The following CPNE8 variants were observed in gnomAD, a reference collection of about 807,000 sequenced individuals.
CPNE8 encodes the protein copine-8.
A neutral mutation model predicts 81.5 loss-of-function variants in CPNE8; 45 were observed. The observed-to-expected ratio is 0.55, with a 90% CI of 0.44 to 0.71. The LOEUF (loss-of-function observed/expected upper bound fraction) is 0.71. Among genes scored for constraint, CPNE8 ranks in the 30% least tolerant of loss-of-function variants. The pLI, the probability that CPNE8 is intolerant of heterozygous loss-of-function variation, is 0.00. For missense variants in CPNE8, 594 were observed against 672.1 expected, an observed-to-expected ratio of 0.88 and a Z score of 1.28; for synonymous variants, 252 against 226.3, an observed-to-expected ratio of 1.11 and a Z score of -1.02.
At chr12:38,724,698 T>G (rs1940652182) in intron 12 of CPNE8, 148 bp downstream of exon 12, 1 of 540,780 alleles carries the variant, frequency 1.8e-6, no homozygotes, top group Non-Finnish European at 3.2e-6. Context: ...GAGAAGTTGA[T>G]TTTTCTATTG....
intron 13 of CPNE8, among the ~76,000 whole-genome samples, chr12:38,718,883 G>A (rs945573683): frequency 6.6e-6 from 1 of 151,962 alleles, no homozygotes; most frequent in African/African-American, 2.4e-5. Context: ...TTTACAAAAA[G>A]GTAGTAGTGA....
chr12:38,737,064 GTT>G (rs1940972566), intron 10 of CPNE8, among the ~76,000 whole-genome samples: 2 of 151,974 alleles, frequency 1.3e-5, no homozygotes, highest in South Asian at 4.2e-4. Context: ...TCAGTGTCCT[GTT>G]TCAAGTTTAA....
chr12:38,888,898 A>G (rs1354613514), intron 1 of CPNE8, among the ~76,000 whole-genome samples: 1 of 152,158 alleles, frequency 6.6e-6, no homozygotes, highest in Non-Finnish European at 1.5e-5. Flanking sequence ...CCTTCCAGCC[A>G]TGGTTCCTGT....
At chr12:38,709,044 C>T (rs1399420938) in intron 13 of CPNE8, among the ~76,000 whole-genome samples, 6 of 152,098 alleles carry the variant, frequency 3.9e-5, no homozygotes, top group Non-Finnish European at 8.8e-5. Context: ...ATCTAGAACC[C>T]AAAAATGTAG....
chr12:38,898,286 CAAT>C (rs1215338598), intron 1 of CPNE8, among the ~76,000 whole-genome samples: 1 of 151,962 alleles, frequency 6.6e-6, no homozygotes, highest in African/African-American at 2.4e-5. Flanking sequence ...GGTGGAACAA[CAAT>C]GTTAAGTAAG....
At chr12:38,695,488 G>T (rs1049776557) in intron 14 of CPNE8, among the ~76,000 whole-genome samples, 1 of 152,128 alleles carries the variant, frequency 6.6e-6, no homozygotes, top group African/African-American at 2.4e-5. Flanking sequence ...GTCCTCTGTT[G>T]TAACAGTCTT....
In CPNE8 at chr12:38,776,238, C is replaced by T. The variant is rs1941933067; in HGVS notation, c.471G>A (p.Arg157=). Residue 157 remains arginine, a splice_region_variant and synonymous_variant, in exon 7 of 20, where the codon AGG becomes AGA. Transcript: ENST00000331366. ...ILTAEELNCC[R]DAVLMQFCAN... is the part of the protein sequence containing the mutation. ...CTAAACCAAAGAAATATTTACTTAC[C>T]CTGCAACAGTTTAATTCCTCTGCTG... 2 of 1,527,368 alleles carry T rather than the reference C, an allele frequency of 1.3e-6. No individual in the cohort carries two copies. Among genetic ancestry groups the T allele is most frequent in the Non-Finnish European group, 1.8e-6 (2 of 1,122,866 alleles). The allele number at this position is 1,527,368 out of a possible 1,614,324, so 94.6% of individuals were successfully genotyped here. A position where few individuals can be genotyped will look rare whatever the true frequency, so the allele number is the denominator to read the frequency against.
chr12:38,782,665 A>G (rs1942080715), intron 6 of CPNE8, among the ~76,000 whole-genome samples: 1 of 151,434 alleles, frequency 6.6e-6, no homozygotes, highest in Admixed American at 6.6e-5. Context: ...TCTGAACTAC[A>G]TTTTTTGTTT....
intron 18 of CPNE8, among the ~76,000 whole-genome samples, chr12:38,674,595 A>G (rs1264296350): frequency 1.3e-5 from 2 of 152,124 alleles, no homozygotes; most frequent in Non-Finnish European, 2.9e-5. Flanking sequence ...GTAGATGCTA[A>G]TAGAGATAGA....
rs1939731112 is a variant in CPNE8 at position 38,693,750 on chromosome 12, A to T, written c.1050T>A (p.Ile350=). 6.2e-7 allele frequency: 1 copy of T among 1,613,562 alleles called. No individual in the cohort carries two copies. Among genetic ancestry groups the T allele is most frequent in the African/African-American group, 1.3e-5 (1 of 74,892 alleles). Residue 350 remains isoleucine, a synonymous_variant, in exon 15 of 20, where the codon ATT becomes ATA. Coordinates refer to ENST00000331366, the MANE Select transcript of CPNE8 (RefSeq NM_153634.3). ...TTTTATCACTGTCATAATCTTGAACAATTTCTCCCACTGCTTTTAGTGCCA... is the reference window on the plus strand; with the variant it reads ...TTTTATCACTGTCATAATCTTGAACTATTTCTCCCACTGCTTTTAGTGCCA... ...YGMALKAVGE[I]VQDYDSDKMF...
chr12:38,713,110 G>A (rs1300977117), intron 13 of CPNE8, among the ~76,000 whole-genome samples: 1 of 152,114 alleles, frequency 6.6e-6, no homozygotes, highest in African/African-American at 2.4e-5. Context: ...GGCAGATCTA[G>A]GATTTGAACT....
chr12:38,662,879 T>G (rs1938989879), intron 19 of CPNE8, among the ~76,000 whole-genome samples: 3 of 150,038 alleles, frequency 2.0e-5, no homozygotes, highest in South Asian at 4.2e-4. Flanking sequence ...ATCAAGAACA[T>G]ACACTGGGGA....
chr12:38,767,951 T>G (rs1321672016), intron 7 of CPNE8, among the ~76,000 whole-genome samples: 1 of 152,190 alleles, frequency 6.6e-6, no homozygotes, highest in African/African-American at 2.4e-5. Flanking sequence ...ACAAAACTAT[T>G]ACTTTTCAAA....
chr12:38,771,168 T>A (rs1941791561), intron 7 of CPNE8, among the ~76,000 whole-genome samples: 1 of 151,994 alleles, frequency 6.6e-6, no homozygotes, highest in Non-Finnish European at 1.5e-5. Flanking sequence ...TTTAAAATAC[T>A]ACATAAAAGG....
intron 1 of CPNE8, among the ~76,000 whole-genome samples, chr12:38,885,583 A>G (rs566880456): frequency 6.6e-6 from 1 of 152,196 alleles, no homozygotes; most frequent in Non-Finnish European, 1.5e-5. Context: ...AACGAAAACA[A>G]GGGCAGAAAT....
chr12:38,736,712 G>T (rs1940961866), intron 10 of CPNE8, among the ~76,000 whole-genome samples: 1 of 151,828 alleles, frequency 6.6e-6, no homozygotes, highest in African/African-American at 2.4e-5. Flanking sequence ...TCAAACAAAA[G>T]CTCCCCATTC....
intron 13 of CPNE8, among the ~76,000 whole-genome samples, chr12:38,712,875 C>G (rs1940295017): frequency 6.6e-6 from 1 of 152,026 alleles, no homozygotes; most frequent in African/African-American, 2.4e-5. Flanking sequence ...ATACTTTTTT[C>G]TTCATATCTC....
intron 15 of CPNE8, among the ~76,000 whole-genome samples, 184 bp downstream of exon 15, chr12:38,693,473 G>A (rs1423870579): frequency 6.6e-6 from 1 of 152,100 alleles, no homozygotes; most frequent in Non-Finnish European, 1.5e-5. Flanking sequence ...GTAGATTTAT[G>A]GCTAAGCTAT....
chr12:38,806,453 C>A (rs1156652257), intron 6 of CPNE8, among the ~76,000 whole-genome samples: 2 of 149,558 alleles, frequency 1.3e-5, no homozygotes, highest in African/African-American at 4.9e-5. Flanking sequence ...TCAATATATG[C>A]AAATCAATAA....
Sources: allele counts gnomAD v4.1 joint callset (sites outside exome capture counted in the v4.1 genomes callset), GRCh38; gene constraint gnomAD v4.1.1; transcripts MANE v1.5; gene names NCBI Gene and HGNC (gene_info 2026-07-23, HGNC 2026-07-21).